Variants in NDUFA8 observed in about 807,000 individuals in gnomAD.
NDUFA8 encodes the protein NADH:ubiquinone oxidoreductase subunit A8, also known as NADH dehydrogenase [ubiquinone] 1 alpha subcomplex subunit 8.
In NDUFA8, 16 loss-of-function variants were observed where a neutral mutation model predicts 20.9. The observed-to-expected ratio is 0.77, with a 90% CI of 0.52 to 1.16. NDUFA8 has a LOEUF of 1.16. Among genes scored for constraint, NDUFA8 ranks in the 50% most tolerant of loss-of-function variants. NDUFA8 has a pLI of 0.00. For missense variants in NDUFA8, 202 were observed against 216.4 expected (o/e 0.93, Z 0.42); for synonymous variants, 70 against 76.1 (o/e 0.92, Z 0.41).
chr9:122,156,822 C>G (rs969614489), intron 1 of NDUFA8, among the ~76,000 whole-genome samples: 1 of 152,208 alleles, frequency 6.6e-6, no homozygotes. Context: ...TCTGTAAGCA[C>G]AGTCTCTGTA....
chr9:122,137,238 C>CTTTTTTTTTTTTTTTTTTT, the NDUFA8 span, among the ~76,000 whole-genome samples: 1 of 106,588 alleles, frequency 9.4e-6, no homozygotes, highest in Non-Finnish European at 1.8e-5. Flanking sequence ...TTTTCCTTTC[C>CTTTTTTTTTTTTTTTTTTT]TTTTTTTTTT....
At chr9:122,137,839 AC>A in the NDUFA8 span, among the ~76,000 whole-genome samples, 1 of 152,226 alleles carries the variant, frequency 6.6e-6, no homozygotes, top group Non-Finnish European at 1.5e-5. Context: ...AGCTAAAGAA[AC>A]TGGCTGAAAG....
chr9:122,157,592 A>G (rs1829093560), intron 1 of NDUFA8, among the ~76,000 whole-genome samples: 1 of 145,990 alleles, frequency 6.8e-6, no homozygotes, highest in Non-Finnish European at 1.5e-5. Context: ...GTAGAACTTC[A>G]GATGTTTGTT....
At chr9:122,133,005 C>G in the NDUFA8 span, 1 of 456,104 alleles carries the variant, frequency 2.2e-6, no homozygotes, top group Non-Finnish European at 4.4e-6. Flanking sequence ...ACGTTTGCCA[C>G]TAGCCTCGGG....
chr9:122,158,772 A>G (rs1033980405), intron 1 of NDUFA8, among the ~76,000 whole-genome samples: 4 of 149,030 alleles, frequency 2.7e-5, no homozygotes, highest in Non-Finnish European at 4.4e-5. Flanking sequence ...ATATATACAC[A>G]CCAATTGTGT....
downstream of NDUFA8, among the ~76,000 whole-genome samples, chr9:122,143,431 G>A (rs1010796543): frequency 3.3e-5 from 5 of 152,324 alleles, no homozygotes; most frequent in South Asian, 2.1e-4. Flanking sequence ...ATAAACACTT[G>A]TGGCTTTAAC....
At chr9:122,155,214 G>A (rs890835953) in intron 1 of NDUFA8, among the ~76,000 whole-genome samples, 2 of 152,134 alleles carry the variant, frequency 1.3e-5, no homozygotes, top group African/African-American at 4.8e-5. Context: ...TGAGTAGCTG[G>A]GATTACAGGC....
At chr9:122,148,318 C>T in intron 2 of NDUFA8, 41 bp from the exon 3 acceptor site, 1 of 1,609,470 alleles carries the variant, frequency 6.2e-7, no homozygotes, top group Non-Finnish European at 8.5e-7. Flanking sequence ...CTTTGCAAAA[C>T]AATGAAAAAC....
downstream of NDUFA8, among the ~76,000 whole-genome samples, chr9:122,141,420 T>A (rs1378571911): frequency 6.6e-6 from 1 of 152,082 alleles, no homozygotes; most frequent in East Asian, 1.9e-4. Context: ...GACAGTGAGA[T>A]AAAACAGGAA....
At chr9:122,159,277 T>C (rs768477914) in intron 1 of NDUFA8, among the ~76,000 whole-genome samples, 1 of 152,198 alleles carries the variant, frequency 6.6e-6, no homozygotes, top group Non-Finnish European at 1.5e-5. Context: ...TAGGGTTGTA[T>C]ACTCACCTCG....
At position 122,148,277 on chromosome 9, in the gene NDUFA8, C is replaced by A. The variant is rs1205215989; in HGVS notation, c.216G>T (p.Arg72Ser). The A allele has an allele frequency of 6.2e-7, 1 of 1,614,040 alleles. No individual in the cohort carries two copies. Among genetic ancestry groups the A allele is most frequent in the East Asian group, 2.2e-5 (1 of 44,866 alleles). ...GCTCTGCACAGTGACGTTTTATCTG[C>A]CTGGAAAAGAAAGCTGGGTTAGGGG... ...LVNKCALDFFRQIKRHCAEPF... is the reference protein window; with the variant it reads ...LVNKCALDFFSQIKRHCAEPF... Residue 72 changes from arginine to serine, a missense_variant and splice_region_variant, in exon 3 of 4, where the codon AGG becomes AGT. Transcript: ENST00000373768.
Position 122,148,137 on chromosome 9 carries a change from C to G in NDUFA8, c.356G>C (p.Arg119Pro), listed in dbSNP as rs746362454. The G allele has an allele frequency of 1.9e-6, 3 of 1,614,130 alleles. No individual in the cohort carries two copies. The highest frequency in any genetic ancestry group is 1.1e-5 in the South Asian group (1 of 91,084). Reference protein sequence around the residue: ...ECVLDKLGWVRPDLGELSKVT... With the variant: ...ECVLDKLGWVPPDLGELSKVT... ...CTTTGACAGTTCTCCCAGGTCAGGC[C>G]GCACCCAGCCCAGTTTGTCCAGCAC... The change falls in exon 3 of 4, where the codon CGG (arginine) becomes CCG (proline). Residue 119 changes from arginine (R) to proline (P), a missense_variant. Coordinates refer to ENST00000373768, the MANE Select transcript of NDUFA8 (RefSeq NM_014222.3).
At chr9:122,159,570 C>G (rs1829147293) in intron 1 of NDUFA8, 57 bp downstream of exon 1, 2 of 1,607,136 alleles carry the variant, frequency 1.2e-6, no homozygotes, top group East Asian at 2.2e-5. Flanking sequence ...GGGCTAGGCC[C>G]AGGCCCGAGA....
intron 1 of NDUFA8, 25 bp from the exon 2 acceptor site, chr9:122,152,433 G>A (rs757669459): frequency 2.5e-6 from 4 of 1,612,926 alleles, no homozygotes; most frequent in South Asian, 1.1e-5. Context: ...ATGGGACAAA[G>A]GCCACAGACT....
downstream of NDUFA8, chr9:122,143,943 G>A (rs1466153053): frequency 9.0e-6 from 6 of 669,738 alleles, no homozygotes; most frequent in Non-Finnish European, 1.1e-5. Context: ...CCAGCCACAT[G>A]AGCGAGTGCC....
At chr9:122,136,235 T>C in the NDUFA8 span, among the ~76,000 whole-genome samples, 4 of 152,172 alleles carry the variant, frequency 2.6e-5, no homozygotes, top group African/African-American at 7.2e-5. Flanking sequence ...CTTGAATCAG[T>C]GCTTCTGTGG....
chr9:122,137,983 G>C, the NDUFA8 span, among the ~76,000 whole-genome samples: 1 of 152,172 alleles, frequency 6.6e-6, no homozygotes, highest in Non-Finnish European at 1.5e-5. Flanking sequence ...GGACTTTCTG[G>C]AAAGTTCTTT....
At chr9:122,156,809 C>T (rs1245380059) in intron 1 of NDUFA8, among the ~76,000 whole-genome samples, 2 of 152,206 alleles carry the variant, frequency 1.3e-5, no homozygotes, top group Non-Finnish European at 2.9e-5. Flanking sequence ...TTGTTCTTTG[C>T]TCTCTGTAAG....
the NDUFA8 span, among the ~76,000 whole-genome samples, chr9:122,138,619 A>G: frequency 6.6e-6 from 1 of 152,314 alleles, no homozygotes; most frequent in South Asian, 2.1e-4. Flanking sequence ...GCTGTGCTGC[A>G]TTCATTCAAC....
Sources: allele counts gnomAD v4.1 joint callset (sites outside exome capture counted in the v4.1 genomes callset), GRCh38; gene constraint gnomAD v4.1.1; transcripts MANE v1.5; gene names NCBI Gene and HGNC (gene_info 2026-07-23, HGNC 2026-07-21).